Variants in TTC39C observed in about 807,000 individuals in gnomAD.
TTC39C encodes tetratricopeptide repeat protein 39C.
In TTC39C, 33 loss-of-function variants were observed where a neutral mutation model predicts 76.3. The observed-to-expected ratio is 0.43, with a 90% confidence interval of 0.33 to 0.58. The LOEUF is 0.58. TTC39C is among the 20% of genes least tolerant of loss of function. TTC39C has a pLI of 0.04. For synonymous variants in TTC39C, 254 were observed against 260.6 expected, an observed-to-expected ratio of 0.97 and a Z score of 0.24; for missense variants, 595 against 701.4, an observed-to-expected ratio of 0.85 and a Z score of 1.71.
chr18:24,012,115 C>T (rs79874036), upstream of TTC39C, among the ~76,000 whole-genome samples: 1,789 of 152,304 alleles, frequency 0.012, 36 homozygotes, highest in African/African-American at 0.041. Flanking sequence ...ATGCCAACTA[C>T]AGCTGCCACA....
chr18:24,016,487 C>A, intron 1 of TTC39C: 1 of 386,102 alleles, frequency 2.6e-6, no homozygotes, highest in Non-Finnish European at 4.6e-6. Flanking sequence ...CAAATTTACC[C>A]TTTTTAGTTG....
chr18:24,111,566 TAAAA>T (rs56208965), intron 6 of TTC39C, among the ~76,000 whole-genome samples: 2 of 138,496 alleles, frequency 1.4e-5, no homozygotes, highest in Non-Finnish European at 3.1e-5. Context: ...AGACTCTGTC[TAAAA>T]AAAAAAAAAA....
At chr18:24,015,312 A>T in intron 1 of TTC39C, 1 of 318,114 alleles carries the variant, frequency 3.1e-6, no homozygotes, top group East Asian at 5.3e-5. Context: ...ACTTTCTCCC[A>T]GCCTCGCCCT....
chr18:24,037,009 G>T (rs2083740789), intron 1 of TTC39C, among the ~76,000 whole-genome samples: 1 of 152,116 alleles, frequency 6.6e-6, no homozygotes, highest in Admixed American at 6.5e-5. Context: ...TTCCAATTGG[G>T]ATGCTTTTTA....
rs559890974 is a variant in TTC39C, at chr18:24,133,218, T to C, written c.*644T>C. The C allele has an allele frequency of 6.6e-6, 1 of 152,330 alleles. No homozygotes were observed. The highest frequency in any genetic ancestry group is 1.5e-5 in the Non-Finnish European group (1 of 68,020). The allele number at this position is 152,330 out of a possible 1,614,324, so 9.4% of individuals were successfully genotyped here. A position where few individuals can be genotyped will look rare whatever the true frequency, so the allele number is the denominator to read the frequency against. On this transcript the variant is annotated 3_prime_UTR_variant, in exon 14 of 14. Coordinates refer to ENST00000317571, the MANE Select transcript of TTC39C (RefSeq NM_001135993.2). ...TGACTTTTATTGTAAAAATAATTCATGTTAATAGGCCAGAATTCCATGTTT... is the reference window on the plus strand; with the variant it reads ...TGACTTTTATTGTAAAAATAATTCACGTTAATAGGCCAGAATTCCATGTTT...
At chr18:24,004,790 A>G (rs990576166) in intron 1 of TTC39C, among the ~76,000 whole-genome samples, 4 of 152,176 alleles carry the variant, frequency 2.6e-5, no homozygotes, top group African/African-American at 9.7e-5. Context: ...TCAAACATAT[A>G]CTAAGGGTAA....
At chr18:24,085,574 G>A (rs1247520270) in intron 6 of TTC39C, among the ~76,000 whole-genome samples, 2 of 152,182 alleles carry the variant, frequency 1.3e-5, no homozygotes, top group Non-Finnish European at 2.9e-5. Context: ...TAGAAATAAG[G>A]AAGCCACAGC....
At chr18:24,045,919 A>G (rs1415203324) in intron 1 of TTC39C, among the ~76,000 whole-genome samples, 7 of 26,774 alleles carry the variant, frequency 2.6e-4, no homozygotes, top group African/African-American at 1.0e-3. Flanking sequence ...ATATATATAT[A>G]TATATATATT....
chr18:24,129,766 T>TC (rs2085098925), intron 11 of TTC39C, among the ~76,000 whole-genome samples: 1 of 84,594 alleles, frequency 1.2e-5, no homozygotes, highest in Admixed American at 1.6e-4. Flanking sequence ...ACAGCAAGAC[T>TC]CCATCTCAAA....
chr18:24,031,149 G>A (rs1207184486), intron 1 of TTC39C, among the ~76,000 whole-genome samples: 4 of 140,154 alleles, frequency 2.9e-5, no homozygotes, highest in Non-Finnish European at 4.6e-5. Flanking sequence ...GTAGAGCTGG[G>A]GTTTCGCCAT....
At chr18:24,046,134 T>C (rs1396777215) in intron 1 of TTC39C, among the ~76,000 whole-genome samples, 1 of 151,430 alleles carries the variant, frequency 6.6e-6, no homozygotes, top group Non-Finnish European at 1.5e-5. Flanking sequence ...GAGATGGGGT[T>C]TCACTGTGTT....
intron 2 of TTC39C, 118 bp downstream of exon 2, chr18:24,064,306 CT>C: frequency 8.1e-7 from 1 of 1,232,422 alleles, no homozygotes; most frequent in Non-Finnish European, 1.1e-6. Flanking sequence ...GAGTTTAAAA[CT>C]GAAATAAAGT....
chr18:24,080,708 A>T lies in TTC39C; in HGVS notation c.584A>T (p.Asp195Val), dbSNP rs1342435350. 5.6e-6 allele frequency: 9 copies of T among 1,614,028 alleles called. No individual in the cohort carries two copies. Among genetic ancestry groups the T allele is most frequent in the African/African-American group, 1.3e-5 (1 of 74,928 alleles). The part of the protein sequence containing the change: ...KKLTEESLTS[D>V]AANDNHIVAE... ...CTAACTGAAGAGTCCTTGACTTCTG[A>T]TGCTGCAAATGATAATCACATTGTG... is the stretch of plus-strand genomic sequence containing the variant. Residue 195 changes from aspartate (D) to valine (V), a missense_variant, in exon 5 of 14, where the codon GAT becomes GTT. Transcript: ENST00000317571.
intron 1 of TTC39C, chr18:24,000,591 G>T (rs182269450): frequency 2.0e-5 from 3 of 152,416 alleles, no homozygotes; most frequent in Admixed American, 2.0e-4. Context: ...AAGAGAAAGA[G>T]AATCCTTACC....
chr18:24,097,235 CA>C (rs2084600733), intron 6 of TTC39C, among the ~76,000 whole-genome samples: 1 of 152,160 alleles, frequency 6.6e-6, no homozygotes, highest in African/African-American at 2.4e-5. Flanking sequence ...AATCAACAAG[CA>C]AAATGCCTTG....
At chr18:24,069,319 A>G (rs1012396355) in intron 4 of TTC39C, 48 bp downstream of exon 4, 8 of 1,470,858 alleles carry the variant, frequency 5.4e-6, no homozygotes, top group South Asian at 1.1e-5. Flanking sequence ...CAGTGCACAC[A>G]ATTAGTAATA....
At chr18:24,065,042 C>T (rs1460325056) in intron 2 of TTC39C, among the ~76,000 whole-genome samples, 25 of 152,142 alleles carry the variant, frequency 1.6e-4, no homozygotes, top group Non-Finnish European at 1.5e-5. Flanking sequence ...CAAGTGATAA[C>T]AAGGGCTGCG....
intron 1 of TTC39C, among the ~76,000 whole-genome samples, chr18:24,030,155 T>C (rs183029036): frequency 9.3e-4 from 142 of 152,344 alleles, no homozygotes; most frequent in South Asian, 2.1e-3. Flanking sequence ...GGTTAGAAAG[T>C]CTTTTTAGTT....
intron 11 of TTC39C, among the ~76,000 whole-genome samples, chr18:24,130,014 G>A (rs1568448666): frequency 6.6e-6 from 1 of 152,138 alleles, no homozygotes; most frequent in Non-Finnish European, 1.5e-5. Context: ...GGGATGTTTA[G>A]ACTCTTAGAT....
Sources: allele counts gnomAD v4.1 joint callset (sites outside exome capture counted in the v4.1 genomes callset), GRCh38; gene constraint gnomAD v4.1.1; transcripts MANE v1.5; gene names NCBI Gene and HGNC (gene_info 2026-07-23, HGNC 2026-07-21).